The following MYBL1 variants were observed in gnomAD, a reference collection of about 807,000 sequenced individuals.
MYBL1 encodes the protein MYB proto-oncogene like 1, also known as myb-related protein A.
In MYBL1, 17 loss-of-function variants were observed where a neutral mutation model predicts 96.3. The ratio of observed to expected loss-of-function variants is 0.18; its 90% CI spans 0.12 to 0.26. The LOEUF is 0.26. Among genes scored for constraint, MYBL1 ranks in the 10% least tolerant of loss-of-function variants. The pLI is 1.00. For missense variants in MYBL1, 701 were observed against 882.9 expected (o/e 0.79, Z 2.61); for synonymous variants, 282 against 292.7 (o/e 0.96, Z 0.37).
At chr8:66,606,030 C>T (rs528248363) in intron 1 of MYBL1, among the ~76,000 whole-genome samples, 3 of 152,308 alleles carry the variant, frequency 2.0e-5, no homozygotes, top group Non-Finnish European at 2.9e-5. Flanking sequence ...AATGTAACCT[C>T]TTGCCCACAG....
At chr8:66,608,909 C>T (rs1013310230) in intron 1 of MYBL1, among the ~76,000 whole-genome samples, 8 of 152,170 alleles carry the variant, frequency 5.3e-5, no homozygotes, top group East Asian at 3.9e-4. Context: ...GCCCAGGACT[C>T]GGTTTCCAGA....
At chr8:66,578,249 G>A (rs1809048953) in intron 9 of MYBL1, among the ~76,000 whole-genome samples, 2 of 150,788 alleles carry the variant, frequency 1.3e-5, no homozygotes, top group African/African-American at 4.9e-5. Context: ...TTAAACTAAA[G>A]AGCTTCTGCA....
At position 66,580,067 on chromosome 8, in the gene MYBL1, A is replaced by C. The variant is rs868840761; in HGVS notation, c.1101+66T>G. The C allele has an allele frequency of 4.6e-5, 56 of 1,207,246 alleles. No homozygotes were observed. In the South Asian group the frequency reaches 7.1e-4, roughly 15 times the overall value. The allele number at this position is 1,207,246 out of a possible 1,614,324, so 74.8% of individuals were successfully genotyped here. ...TAAAACTGGTCAATGTCCAAAACTG[A>C]GTTTCTGAGCATGAAATCATATAAC... is the stretch of plus-strand genomic sequence containing the variant. On this transcript the variant is annotated intron_variant, in intron 9 of 15. Transcript: ENST00000522677.
At chr8:66,570,022 T>G (rs1002137913) in intron 12 of MYBL1, among the ~76,000 whole-genome samples, 1 of 152,170 alleles carries the variant, frequency 6.6e-6, no homozygotes, top group Non-Finnish European at 1.5e-5. Context: ...GGTTAGCATA[T>G]AGTAGATGCT....
intron 10 of MYBL1, 22 bp downstream of exon 10, chr8:66,575,985 T>C: frequency 6.3e-7 from 1 of 1,590,850 alleles, no homozygotes; most frequent in Non-Finnish European, 8.6e-7. Context: ...TTTAGAAACA[T>C]AAACAAAATG....
In MYBL1 at chr8:66,576,219, T is replaced by C. The variant is rs1175012555; in HGVS notation, c.1258A>G (p.Asn420Asp). 1.9e-6 allele frequency: 3 copies of C among 1,613,892 alleles called. No homozygotes were observed. Among genetic ancestry groups the C allele is most frequent in the Non-Finnish European group, 2.5e-6 (3 of 1,179,902 alleles). The stretch of plus-strand genomic sequence containing the variant: ...TCACTGTTGCCACCATTACAAGTGT[T>C]TTTTTTCCCTTCAAGTACAAGACTG... ...NVSLVLEGKK[N>D]TCNGGNSEAV... The change falls in exon 10 of 16, where the codon AAC becomes GAC. Residue 420 changes from asparagine (N) to aspartate (D), a missense_variant. Asn to Asp is a conservative substitution (Grantham distance 23). Coordinates refer to ENST00000522677, the MANE Select transcript of MYBL1 (RefSeq NM_001080416.4).
chr8:66,567,305 G>GT lies in MYBL1; in HGVS notation c.1729-314dup, dbSNP rs563243405. Among the ~76,000 whole-genome samples, 40 of 152,058 alleles carry GT rather than the reference G, an allele frequency of 2.6e-4. No homozygotes were observed. The East Asian group carries it at 4.6e-3, about 18-fold the overall frequency. On this transcript the variant is annotated intron_variant, in intron 12 of 15. Transcript: ENST00000522677. ...AGAAAAGAAAGATGTTATTTCTCAA[G>GT]TTTTTTTTACATAAAAACAGGAAAT...
intron 3 of MYBL1, among the ~76,000 whole-genome samples, chr8:66,599,929 T>C (rs2129994677): frequency 6.6e-6 from 1 of 152,256 alleles, no homozygotes; most frequent in Middle Eastern, 3.4e-3. Context: ...ATCAAAAGGA[T>C]GTTATAAATT....
chr8:66,566,151 TATA>T lies in MYBL1; in HGVS notation c.2040_2042del (p.Asp680_Ile681delinsGlu), dbSNP rs1400393840. ...GTGTATATGTTTTGTTGGTTGAATT[TATA>T]TCTTGTTTTTCAGGAATCAAGTTGC... is the stretch of plus-strand genomic sequence containing the variant. On this transcript the variant is annotated inframe_deletion, in exon 15 of 16. Transcript: ENST00000522677. 2 of 1,540,094 alleles carry T rather than the reference TATA, an allele frequency of 1.3e-6. No homozygotes were observed. Among genetic ancestry groups the T allele is most frequent in the African/African-American group, 2.7e-5 (2 of 72,994 alleles).
intron 9 of MYBL1, among the ~76,000 whole-genome samples, chr8:66,577,238 CAGG>C (rs556693048): frequency 0.027 from 4,093 of 150,046 alleles, 63 homozygotes; most frequent in Middle Eastern, 0.041. Context: ...GGCAATCAGG[CAGG>C]AGAAGGAAAT....
intron 11 of MYBL1, 53 bp from the exon 12 acceptor site, chr8:66,572,649 G>T: frequency 1.1e-6 from 1 of 874,958 alleles, no homozygotes; most frequent in Non-Finnish European, 1.7e-6. Context: ...TTTCATACAA[G>T]TTAATGAAAG....
At chr8:66,593,702 T>C (rs907358700) in intron 6 of MYBL1, among the ~76,000 whole-genome samples, 4 of 152,216 alleles carry the variant, frequency 2.6e-5, no homozygotes, top group Non-Finnish European at 5.9e-5. Context: ...ATCACTCACA[T>C]ACTTTTAATA....
chr8:66,573,828 C>A (rs1444958780), intron 10 of MYBL1, among the ~76,000 whole-genome samples: 1 of 151,958 alleles, frequency 6.6e-6, no homozygotes, highest in African/African-American at 2.4e-5. Context: ...TCTATAGAAA[C>A]CATAAACAGC....
At chr8:66,567,848 A>C (rs1261918233) in intron 12 of MYBL1, among the ~76,000 whole-genome samples, 1 of 151,914 alleles carries the variant, frequency 6.6e-6, no homozygotes, top group Non-Finnish European at 1.5e-5. Context: ...TGGATCATGA[A>C]GTCAAGAGAT....
chr8:66,600,909 G>A (rs755405453), intron 3 of MYBL1, among the ~76,000 whole-genome samples: 4 of 151,950 alleles, frequency 2.6e-5, no homozygotes, highest in Admixed American at 6.6e-5. Flanking sequence ...GGTAACTCAC[G>A]CCTGTAATCC....
Position 66,572,508 on chromosome 8 carries a change from T to C in MYBL1, c.1702A>G (p.Lys568Glu). 1 of 1,594,160 alleles carries C rather than the reference T, an allele frequency of 6.3e-7. No homozygotes were observed. Among genetic ancestry groups the C allele is most frequent in the Non-Finnish European group, 8.6e-7 (1 of 1,166,196 alleles). Residue 568 changes from lysine to glutamate, a missense_variant, in exon 12 of 16, where the codon AAA (lysine) becomes GAA (glutamate). Physicochemically the swap from Lys to Glu is moderately conservative, Grantham distance 56. Around this residue, in one of 5 missense-constraint regions of MYBL1, gnomAD observed 63 missense variants for 109.2 expected, o/e 0.58. Coordinates refer to ENST00000522677, the MANE Select transcript of MYBL1 (RefSeq NM_001080416.4). The stretch of plus-strand genomic sequence containing the variant: ...ACAATTTTAAGAGGTCCATATTTTT[T>C]CTCCTGAGCAGCAAGCGCATTCTTA... ...PFKNALAAQE[K>E]KYGPLKIVSQ...
At position 66,597,350 on chromosome 8, in the gene MYBL1, A is replaced by G; in HGVS notation, c.492T>C (p.Ile164=). 1 of 1,603,830 alleles carries G rather than the reference A, an allele frequency of 6.2e-7. No homozygotes were observed. The highest frequency in any genetic ancestry group is 8.5e-7 in the Non-Finnish European group (1 of 1,174,748). ...AGCACCTTCCTGGAAGTAGTTTGGC[A>G]ATTTCTGCCCAACGATTTCCCAACC... The part of the protein sequence containing the change: ...HKRLGNRWAE[I]AKLLPGRTDN... Residue 164 remains isoleucine, a synonymous_variant, in exon 5 of 16, where the codon ATT becomes ATC. Coordinates refer to ENST00000522677, the MANE Select transcript of MYBL1 (RefSeq NM_001080416.4).
chr8:66,610,630 A>T (rs1810491733), intron 1 of MYBL1, among the ~76,000 whole-genome samples: 1 of 152,094 alleles, frequency 6.6e-6, no homozygotes, highest in Non-Finnish European at 1.5e-5. Context: ...AAGGCAAGAG[A>T]GATTTTTCCC....
At chr8:66,566,381 T>A in intron 14 of MYBL1, 138 bp from the exon 15 acceptor site, 2 of 544,198 alleles carry the variant, frequency 3.7e-6, no homozygotes, top group East Asian at 3.2e-5. Context: ...TTTCTAGTAA[T>A]GTAGTAATAT....
Sources: allele counts gnomAD v4.1 joint callset (sites outside exome capture counted in the v4.1 genomes callset), GRCh38; gene constraint gnomAD v4.1.1; regional missense constraint gnomAD v4.1.1; transcripts MANE v1.5; gene names NCBI Gene and HGNC (gene_info 2026-07-23, HGNC 2026-07-21).